Variants in MAPDA observed in about 807,000 individuals in gnomAD.
The protein encoded by MAPDA is N6,N6-dimethyl-AMP deaminase.
At chr15:43,340,489 A>G in the MAPDA span, 16 of 672,574 alleles carry the variant, frequency 2.4e-5, no homozygotes, top group African/African-American at 1.5e-4. Context: ...CCTTTAGTCA[A>G]CAGTCCAAGT....
At chr15:43,352,438 A>G in the MAPDA span, 4,555 of 152,494 alleles carry the variant, frequency 0.03, 195 homozygotes, top group East Asian at 0.12. Context: ...TCATGCCTGT[A>G]ATCCCAGCAC....
chr15:43,330,714 A>G, the MAPDA span: 2 of 461,814 alleles, frequency 4.3e-6, no homozygotes. Context: ...TTTCTTTGGA[A>G]TGTCGTGAGT....
chr15:43,336,660 A>C, the MAPDA span: 67 of 1,566,434 alleles, frequency 4.3e-5, 1 homozygote, highest in Middle Eastern at 3.3e-4. Context: ...TCATCAGCTT[A>C]CTAGTAGCCC....
the MAPDA span, chr15:43,347,091 T>C: frequency 6.2e-7 from 1 of 1,612,384 alleles, no homozygotes; most frequent in African/African-American, 1.3e-5. Flanking sequence ...ATTGCATCTT[T>C]CAGAGGTAAA....
chr15:43,341,849 A>T, the MAPDA span, among the ~76,000 whole-genome samples: 18 of 151,868 alleles, frequency 1.2e-4, no homozygotes, highest in African/African-American at 3.9e-4. Context: ...TTATTTATTT[A>T]TTTTTTTTGA....
At chr15:43,351,103 T>C in the MAPDA span, 1 of 1,439,276 alleles carries the variant, frequency 6.9e-7, no homozygotes, top group Non-Finnish European at 9.6e-7. Context: ...TTAATTCAGA[T>C]GTTCACTATC....
At chr15:43,334,633 T>TAATATATATATA in the MAPDA span, among the ~76,000 whole-genome samples, 3 of 65,142 alleles carry the variant, frequency 4.6e-5, no homozygotes, top group Non-Finnish European at 9.3e-5. Context: ...CTCAAAAAAA[T>TAATATATATATA]TATATATATA....
the MAPDA span, chr15:43,347,012 T>G: frequency 6.2e-7 from 1 of 1,612,948 alleles, no homozygotes; most frequent in Non-Finnish European, 8.5e-7. Flanking sequence ...CTTTTATCTT[T>G]AAGGTAGGAC....
At chr15:43,347,368 C>T in the MAPDA span, among the ~76,000 whole-genome samples, 15 of 152,124 alleles carry the variant, frequency 9.9e-5, no homozygotes, top group Non-Finnish European at 1.0e-4. Flanking sequence ...AGAGAAAATG[C>T]ATGAATTTCC....
At chr15:43,336,085 A>G in the MAPDA span, among the ~76,000 whole-genome samples, 1 of 152,136 alleles carries the variant, frequency 6.6e-6, no homozygotes, top group Non-Finnish European at 1.5e-5. Context: ...TTTGTTGCCT[A>G]GACTGGAGTG....
the MAPDA span, among the ~76,000 whole-genome samples, chr15:43,337,619 T>C: frequency 6.6e-6 from 1 of 151,604 alleles, no homozygotes; most frequent in Non-Finnish European, 1.5e-5. Context: ...TCTTAACCAG[T>C]AGAAAAAAAA....
the MAPDA span, chr15:43,354,081 C>T: frequency 6.6e-6 from 1 of 152,152 alleles, no homozygotes; most frequent in Non-Finnish European, 1.5e-5. Context: ...AATGCCATCT[C>T]TAGGGGATAG....
At chr15:43,330,718 C>T in the MAPDA span, 94,915 of 452,798 alleles carry the variant, frequency 0.21, 16,698 homozygotes, top group African/African-American at 0.63. Context: ...TTTGGAATGT[C>T]GTGAGTTCCA....
At chr15:43,332,535 G>T in the MAPDA span, among the ~76,000 whole-genome samples, 1 of 152,130 alleles carries the variant, frequency 6.6e-6, no homozygotes, top group Non-Finnish European at 1.5e-5. Context: ...AAAGAAGAAA[G>T]AGAATGGAGT....
At chr15:43,341,710 G>A in the MAPDA span, among the ~76,000 whole-genome samples, 306 of 152,164 alleles carry the variant, frequency 2.0e-3, 1 homozygote, top group African/African-American at 7.0e-3. Context: ...AACCATGATC[G>A]TGCCACTGCC....
chr15:43,350,951 G>A, the MAPDA span: 1 of 1,551,388 alleles, frequency 6.4e-7, no homozygotes, highest in East Asian at 2.4e-5. Flanking sequence ...AACTCTGTTT[G>A]ACCTCAAACG....
chr15:43,331,171 T>C, the MAPDA span, among the ~76,000 whole-genome samples: 1 of 152,332 alleles, frequency 6.6e-6, no homozygotes, highest in Admixed American at 6.5e-5. Flanking sequence ...TTCCCAGCCC[T>C]ATGTTAGACT....
chr15:43,339,739 C>G, the MAPDA span, among the ~76,000 whole-genome samples: 2 of 152,126 alleles, frequency 1.3e-5, no homozygotes, highest in African/African-American at 2.4e-5. Context: ...TTTCTTTGCC[C>G]TAAGTACTTC....
chr15:43,335,128 A>G, the MAPDA span: 1 of 1,614,034 alleles, frequency 6.2e-7, no homozygotes, highest in Non-Finnish European at 8.5e-7. Context: ...CAGAAGAGCA[A>G]CAGCCTTGCA....
Sources: gnomAD v4.1 joint callset for allele counts (sites outside exome capture counted in the v4.1 genomes callset) on GRCh38, gnomAD v4.1.1 for gene constraint, MANE v1.5 for transcripts, NCBI Gene and HGNC (gene_info 2026-07-23, HGNC 2026-07-21) for gene names.